The following MYT1L variants were observed in gnomAD, a reference collection of about 807,000 sequenced individuals.
MYT1L encodes myelin transcription factor 1-like protein.
MYT1L carries 12 observed loss-of-function variants against 126.7 expected under a neutral mutation model. The observed-to-expected ratio is 0.09, with a 90% CI of 0.06 to 0.15. The LOEUF (loss-of-function observed/expected upper bound fraction) is 0.15, where lower values mean the gene tolerates loss of function less well. Ranked by LOEUF, MYT1L falls within the 10% of genes least tolerant of loss-of-function variation. The probability of loss-of-function intolerance (pLI) is 1.00; values close to 1 mark genes in which losing one functional copy is unlikely to be tolerated. For synonymous variants in MYT1L, 541 were observed against 604.2 expected, an observed-to-expected ratio of 0.90 and a Z score of 1.53; for missense variants, 979 against 1,585.2, an observed-to-expected ratio of 0.62 and a Z score of 6.49.
In MYT1L at chr2:1,815,529, C is replaced by T. The variant is rs554238531; in HGVS notation, c.3081-6362G>A. ...ACGGGCCCTAGAGGGATGTCTGTTG[C>T]GTGAATAAAATAGGAAGGACAGTGT... is the stretch of plus-strand genomic sequence containing the variant. On this transcript the variant is annotated intron_variant, in intron 21 of 24. Transcript: ENST00000647738. Among the ~76,000 whole-genome samples, 330 of 152,308 alleles carry T rather than the reference C, an allele frequency of 2.2e-3. 1 individual carries two copies. The highest frequency in any genetic ancestry group is 7.1e-3 in the African/African-American group (296 of 41,566).
chr2:2,050,798 C>T (rs1054194354), intron 4 of MYT1L, among the ~76,000 whole-genome samples: 11 of 152,010 alleles, frequency 7.2e-5, no homozygotes, highest in Admixed American at 2.6e-4. Context: ...TTTGCCGTGG[C>T]GGTGGTGCTA....
In MYT1L at chr2:2,186,132, G is replaced by C. The variant is rs545335776; in HGVS notation, c.-420-13144C>G. ...CCTTCCGGAGTCCCGCGTTCCTTCCGTGAGGGGGACGCAGCCGGGCCTCCC... is the reference window on the plus strand; with the variant it reads ...CCTTCCGGAGTCCCGCGTTCCTTCCCTGAGGGGGACGCAGCCGGGCCTCCC... On this transcript the variant is annotated intron_variant, in intron 2 of 24. Transcript: ENST00000647738. Among the ~76,000 whole-genome samples, 9 of 137,046 alleles carry C rather than the reference G, an allele frequency of 6.6e-5. No individual in the cohort carries two copies. In the East Asian group the frequency reaches 1.6e-3, roughly 24 times the overall value. The allele number at this position is 137,046 out of a possible 152,430, so 89.9% of individuals were successfully genotyped here. A position where few individuals can be genotyped will look rare whatever the true frequency, so the allele number is the denominator to read the frequency against.
chr2:1,948,822 T>A (rs1021995694), intron 8 of MYT1L, among the ~76,000 whole-genome samples: 2 of 152,216 alleles, frequency 1.3e-5, no homozygotes, highest in African/African-American at 4.8e-5. Context: ...TTGAACATCA[T>A]TCTGCAAGAC....
intron 2 of MYT1L, among the ~76,000 whole-genome samples, chr2:2,280,987 G>A (rs563772049): frequency 1.3e-5 from 2 of 152,272 alleles, no homozygotes; most frequent in African/African-American, 2.4e-5. Flanking sequence ...TATACCAAAT[G>A]TACACAACCG....
chr2:2,301,174 C>T (rs762517287), intron 1 of MYT1L, among the ~76,000 whole-genome samples: 28 of 152,306 alleles, frequency 1.8e-4, no homozygotes, highest in Non-Finnish European at 3.5e-4. Flanking sequence ...CTTTTCTCTT[C>T]GCCCTTGTGC....
intron 4 of MYT1L, among the ~76,000 whole-genome samples, chr2:2,014,680 C>G (rs2064192047): frequency 6.6e-6 from 1 of 152,212 alleles, no homozygotes; most frequent in Non-Finnish European, 1.5e-5. Context: ...CTCACAGAAG[C>G]AAAGAAATGA....
At chr2:1,988,635 T>C (rs2061232560) in intron 5 of MYT1L, among the ~76,000 whole-genome samples, 1 of 152,224 alleles carries the variant, frequency 6.6e-6, no homozygotes, top group Non-Finnish European at 1.5e-5. Flanking sequence ...TTTATGAATC[T>C]GAGTATTTTC....
chr2:2,315,835 C>A (rs72769265), intron 1 of MYT1L, among the ~76,000 whole-genome samples: 6,201 of 152,188 alleles, frequency 0.041, 198 homozygotes, highest in African/African-American at 0.09. Context: ...AATTTTTTTA[C>A]TGTTTTTAAT....
chr2:2,329,303 TGGGTG>T (rs1423563009), intron 1 of MYT1L, among the ~76,000 whole-genome samples: 1 of 53,548 alleles, frequency 1.9e-5, no homozygotes, highest in Non-Finnish European at 3.5e-5. Context: ...TAACTTTTTG[TGGGTG>T]GGGGTGGGGA....
intron 8 of MYT1L, among the ~76,000 whole-genome samples, chr2:1,960,389 T>C (rs980964550): frequency 6.6e-6 from 1 of 152,230 alleles, no homozygotes; most frequent in Non-Finnish European, 1.5e-5. Context: ...GCCCTACTTC[T>C]AGCTAAAGCC....
chr2:1,793,295 C>T lies in MYT1L; in HGVS notation c.3277-831G>A, dbSNP rs543979722. On this transcript the variant is annotated intron_variant, in intron 23 of 24. Transcript: ENST00000647738. This position sits in a 1 kb window ranked among gnomAD's most constrained non-coding sequence, Gnocchi z 4.6. ...TGAGTTCAGGGCCTCTGCCTATAAC[C>T]GCACAGGACTAGCTTCACACGCAGC... Among the ~76,000 whole-genome samples the T allele has an allele frequency of 1.6e-4, 24 of 152,334 alleles. 1 individual carries two copies. In the South Asian group the frequency reaches 4.8e-3, roughly 30 times the overall value.
chr2:2,083,606 G>C (rs970060634), intron 3 of MYT1L, among the ~76,000 whole-genome samples: 1 of 152,212 alleles, frequency 6.6e-6, no homozygotes, highest in South Asian at 2.1e-4. Context: ...ATCTGGAATC[G>C]TACAATTTTT....
At chr2:1,960,168 G>T (rs1384511204) in intron 8 of MYT1L, among the ~76,000 whole-genome samples, 2 of 152,210 alleles carry the variant, frequency 1.3e-5, no homozygotes, top group African/African-American at 4.8e-5. Context: ...CTGTACAGCA[G>T]TGGAAAGACG....
chr2:2,089,746 GCTGTCTCTGACT>G (rs2076718566), intron 3 of MYT1L, among the ~76,000 whole-genome samples: 1 of 151,928 alleles, frequency 6.6e-6, no homozygotes, highest in African/African-American at 2.4e-5. Flanking sequence ...TGTCTCTGTC[GCTGTCTCTGACT>G]CTGTCTCTGT....
At chr2:1,823,216 G>A (rs1451406667) in intron 21 of MYT1L, among the ~76,000 whole-genome samples, 1 of 152,228 alleles carries the variant, frequency 6.6e-6, no homozygotes, top group African/African-American at 2.4e-5. Context: ...GGCAGACCCA[G>A]CAGGGGCACC....
chr2:1,856,794 T>C (rs1205548466), intron 18 of MYT1L, among the ~76,000 whole-genome samples: 1 of 152,306 alleles, frequency 6.6e-6, no homozygotes, highest in East Asian at 1.9e-4. Context: ...TCTAGTTAAA[T>C]GGATGCTCAC....
intron 5 of MYT1L, among the ~76,000 whole-genome samples, chr2:1,983,728 T>C (rs1452743784): frequency 6.6e-6 from 1 of 152,184 alleles, no homozygotes; most frequent in East Asian, 1.9e-4. Context: ...TTGAATTCAT[T>C]CTTCTGGTGG....
chr2:2,142,141 C>T (rs116618744), intron 3 of MYT1L, among the ~76,000 whole-genome samples: 4,328 of 152,144 alleles, frequency 0.028, 109 homozygotes, highest in Non-Finnish European at 0.044. Flanking sequence ...GGCTGTTGTC[C>T]CCCTTTCTCG....
intron 3 of MYT1L, among the ~76,000 whole-genome samples, chr2:2,172,590 C>T (rs2090203431): frequency 6.6e-6 from 1 of 152,262 alleles, no homozygotes; most frequent in Non-Finnish European, 1.5e-5. Context: ...GGAGGGGCTG[C>T]CTGCAGCAAT....
Sources: gnomAD v4.1 joint callset for allele counts (sites outside exome capture counted in the v4.1 genomes callset) on GRCh38, gnomAD v4.1.1 for gene constraint, Gnocchi (gnomAD v3.1) non-coding constraint, MANE v1.5 for transcripts, NCBI Gene and HGNC (gene_info 2026-07-23, HGNC 2026-07-21) for gene names.